The following NRXN1 variants were observed in gnomAD, a reference collection of about 807,000 sequenced individuals.
NRXN1 encodes neurexin-1.
A neutral mutation model predicts 150.9 loss-of-function variants in NRXN1; 39 were observed. That is an observed-to-expected ratio of 0.26 (90% CI 0.20 to 0.34). NRXN1 has a LOEUF of 0.34. NRXN1 is among the 10% of genes least tolerant of loss of function. The pLI is 1.00. For missense variants in NRXN1, 1,815 were observed against 1,949.9 expected (o/e 0.93, Z 1.30); for synonymous variants, 924 against 757.0 (o/e 1.22, Z -3.62).
intron 12 of NRXN1, among the ~76,000 whole-genome samples, chr2:50,509,033 A>T (rs781087850): frequency 2.0e-5 from 3 of 152,184 alleles, no homozygotes; most frequent in Non-Finnish European, 2.9e-5. Context: ...ATTATGTAGC[A>T]GGCACTTTGT....
intron 9 of NRXN1, among the ~76,000 whole-genome samples, chr2:50,552,033 T>A (rs1573514977): frequency 6.6e-6 from 1 of 152,254 alleles, no homozygotes; most frequent in South Asian, 2.1e-4. Flanking sequence ...CTGGTGGAAT[T>A]CCAAATACCT....
chr2:50,536,517 G>A (rs1050355961), intron 10 of NRXN1, among the ~76,000 whole-genome samples: 12 of 152,138 alleles, frequency 7.9e-5, no homozygotes, highest in Non-Finnish European at 1.2e-4. Context: ...GGTAGTAGCG[G>A]AATATTGCCA....
At chr2:50,996,344 CT>C (rs1699277234) in intron 2 of NRXN1, among the ~76,000 whole-genome samples, 1 of 152,002 alleles carries the variant, frequency 6.6e-6, no homozygotes, top group African/African-American at 2.4e-5. Flanking sequence ...GAAACTGGTG[CT>C]GGGGTTAAGG....
intron 22 of NRXN1, among the ~76,000 whole-genome samples, chr2:49,930,750 C>T (rs993170935): frequency 6.6e-6 from 1 of 152,280 alleles, no homozygotes; most frequent in Non-Finnish European, 1.5e-5. Flanking sequence ...ATTGAACACA[C>T]TGGCTGAAAA....
At chr2:50,947,255 G>C (rs1690545924) in intron 2 of NRXN1, among the ~76,000 whole-genome samples, 2 of 151,912 alleles carry the variant, frequency 1.3e-5, no homozygotes, top group Non-Finnish European at 1.5e-5. Flanking sequence ...TAGCAGTCTA[G>C]CATAATCCCT....
At chr2:50,184,162 G>A (rs913874148) in intron 18 of NRXN1, among the ~76,000 whole-genome samples, 1 of 151,926 alleles carries the variant, frequency 6.6e-6, no homozygotes, top group Non-Finnish European at 1.5e-5. Context: ...CAAAAAACTT[G>A]AATATTGTTT....
In NRXN1 at chr2:51,030,632, CTTAT is replaced by C. The variant is rs374490665; in HGVS notation, c.-922+1345_-922+1348del. Among the ~76,000 whole-genome samples, 55 of 152,078 alleles carry C rather than the reference CTTAT, an allele frequency of 3.6e-4. 1 individual carries two copies. The highest frequency in any genetic ancestry group is 1.3e-3 in the African/African-American group (53 of 41,486). ...CAAAAGGAAATAAAAATCTCAGTTGCTTATTTATTATGGCTGATACATTCCACAC... is the reference window on the plus strand; with the variant it reads ...CAAAAGGAAATAAAAATCTCAGTTGCTTATTATGGCTGATACATTCCACAC... On this transcript the variant is annotated intron_variant, in intron 1 of 22. Transcript: ENST00000401669.
chr2:49,999,056 C>T (rs1683478207), intron 21 of NRXN1, among the ~76,000 whole-genome samples: 1 of 152,194 alleles, frequency 6.6e-6, no homozygotes, highest in Admixed American at 6.5e-5. Flanking sequence ...TCTTAAAATT[C>T]AGATTCTGCT....
At chr2:50,267,938 C>G (rs2069093564) in intron 17 of NRXN1, among the ~76,000 whole-genome samples, 1 of 152,026 alleles carries the variant, frequency 6.6e-6, no homozygotes, top group South Asian at 2.1e-4. Context: ...ACCTGTAATC[C>G]TAGCAATTTG....
intron 21 of NRXN1, among the ~76,000 whole-genome samples, chr2:50,043,328 T>G (rs1489909759): frequency 6.6e-6 from 1 of 152,182 alleles, no homozygotes; most frequent in Non-Finnish European, 1.5e-5. Context: ...GTTGGGCACT[T>G]AACTTTCCTG....
intron 17 of NRXN1, among the ~76,000 whole-genome samples, chr2:50,308,602 C>T (rs181953922): frequency 7.3e-4 from 111 of 152,284 alleles, no homozygotes; most frequent in African/African-American, 2.5e-3. Flanking sequence ...GATCCTTCCA[C>T]CTCAGCCTCC....
chr2:49,947,769 A>T (rs1405024143), intron 21 of NRXN1, among the ~76,000 whole-genome samples: 1 of 151,946 alleles, frequency 6.6e-6, no homozygotes, highest in Admixed American at 6.6e-5. Context: ...ATTTAAAAAC[A>T]GTTCTGTCTT....
intron 18 of NRXN1, among the ~76,000 whole-genome samples, chr2:50,197,810 C>T (rs936164469): frequency 2.0e-5 from 3 of 152,112 alleles, no homozygotes; most frequent in East Asian, 1.9e-4. Flanking sequence ...CTACTTGACA[C>T]CTACCAAAAC....
At chr2:50,218,912 C>G (rs1262034902) in intron 18 of NRXN1, among the ~76,000 whole-genome samples, 1 of 151,896 alleles carries the variant, frequency 6.6e-6, no homozygotes, top group Non-Finnish European at 1.5e-5. Context: ...CACTTTTATT[C>G]CATATTGTTT....
intron 5 of NRXN1, among the ~76,000 whole-genome samples, chr2:50,771,177 T>C (rs1236254826): frequency 6.6e-6 from 1 of 152,050 alleles, no homozygotes; most frequent in Admixed American, 6.6e-5. Flanking sequence ...ATAGATTACA[T>C]GGAGAAACAA....
intron 5 of NRXN1, among the ~76,000 whole-genome samples, chr2:50,867,254 C>G (rs1463387240): frequency 1.3e-5 from 2 of 151,862 alleles, no homozygotes; most frequent in East Asian, 3.9e-4. Flanking sequence ...AACACTGAGT[C>G]CTAGATGCTC....
chr2:50,420,571 G>A (rs992938099), intron 17 of NRXN1, among the ~76,000 whole-genome samples: 1 of 151,986 alleles, frequency 6.6e-6, no homozygotes, highest in Non-Finnish European at 1.5e-5. Context: ...TGAGCCAGCT[G>A]TCCCTATGAT....
At chr2:50,248,551 G>C (rs1225682214) in intron 17 of NRXN1, among the ~76,000 whole-genome samples, 1 of 152,126 alleles carries the variant, frequency 6.6e-6, no homozygotes, top group Non-Finnish European at 1.5e-5. Flanking sequence ...TTCTAAAAAT[G>C]CAAGTTAAAA....
chr2:50,575,742 G>T (rs1279508729), intron 8 of NRXN1, among the ~76,000 whole-genome samples: 1 of 152,078 alleles, frequency 6.6e-6, no homozygotes, highest in African/African-American at 2.4e-5. Flanking sequence ...TTTTTCCCCA[G>T]TACACCATGT....
Sources: allele counts gnomAD v4.1 joint callset (sites outside exome capture counted in the v4.1 genomes callset), GRCh38; gene constraint gnomAD v4.1.1; transcripts MANE v1.5; gene names NCBI Gene and HGNC (gene_info 2026-07-23, HGNC 2026-07-21).